Variants in CACNA2D3 observed in about 807,000 individuals in gnomAD.
CACNA2D3 encodes calcium voltage-gated channel auxiliary subunit alpha2delta 3, also known as voltage-dependent calcium channel subunit alpha-2/delta-3.
A neutral mutation model predicts 160.6 loss-of-function variants in CACNA2D3; 60 were observed. That is an observed-to-expected ratio of 0.37 (90% CI 0.30 to 0.46). The LOEUF (loss-of-function observed/expected upper bound fraction) is 0.46, where lower values mean the gene tolerates loss of function less well. Among genes scored for constraint, CACNA2D3 ranks in the 20% least tolerant of loss-of-function variants. CACNA2D3 has a pLI of 1.00. For missense variants in CACNA2D3, 1,205 were observed against 1,365.0 expected (o/e 0.88, Z 1.85); for synonymous variants, 558 against 492.9 (o/e 1.13, Z -1.75).
intron 2 of CACNA2D3, among the ~76,000 whole-genome samples, chr3:54,229,214 C>G (rs998902023): frequency 4.0e-5 from 6 of 149,230 alleles, no homozygotes; most frequent in African/African-American, 1.5e-4. Flanking sequence ...TTTTTTGAGA[C>G]GGAGTCTCGC....
chr3:54,541,112 C>G (rs1231659766), intron 5 of CACNA2D3, among the ~76,000 whole-genome samples: 2 of 151,708 alleles, frequency 1.3e-5, no homozygotes, highest in African/African-American at 2.4e-5. Context: ...CCCATCTCTA[C>G]TAAAAATACA....
chr3:54,182,540 T>C (rs1447767212), intron 2 of CACNA2D3, among the ~76,000 whole-genome samples: 1 of 152,238 alleles, frequency 6.6e-6, no homozygotes, highest in African/African-American at 2.4e-5. Flanking sequence ...CCCATTCCTT[T>C]GAAAAATCCA....
chr3:54,414,289 A>G (rs944473334), intron 4 of CACNA2D3, among the ~76,000 whole-genome samples: 5 of 152,084 alleles, frequency 3.3e-5, no homozygotes, highest in African/African-American at 1.2e-4. Context: ...TAGAATCTTG[A>G]AATGTAAACA....
intron 2 of CACNA2D3, among the ~76,000 whole-genome samples, chr3:54,232,993 T>C (rs754059580): frequency 4.6e-5 from 7 of 152,120 alleles, no homozygotes; most frequent in Non-Finnish European, 7.4e-5. Context: ...GCCAGACAAA[T>C]AGTTATACGC....
At chr3:54,799,081 G>C (rs552830318) in intron 13 of CACNA2D3, among the ~76,000 whole-genome samples, 63 of 152,294 alleles carry the variant, frequency 4.1e-4, no homozygotes, top group African/African-American at 1.2e-3. Context: ...AAGTTTCTAA[G>C]AGTTTGAGCT....
At chr3:54,536,928 C>T (rs1701898480) in intron 5 of CACNA2D3, among the ~76,000 whole-genome samples, 1 of 152,218 alleles carries the variant, frequency 6.6e-6, no homozygotes, top group Non-Finnish European at 1.5e-5. Context: ...GTGGCTGTCT[C>T]CACCTCACCT....
At chr3:55,054,051 T>C (rs1048266521) in intron 35 of CACNA2D3, among the ~76,000 whole-genome samples, 4 of 145,428 alleles carry the variant, frequency 2.8e-5, no homozygotes, top group African/African-American at 5.1e-5. Flanking sequence ...TTATATACTT[T>C]TAAGCTTTTT....
intron 2 of CACNA2D3, among the ~76,000 whole-genome samples, chr3:54,203,681 C>T (rs1186169832): frequency 2.6e-5 from 4 of 152,120 alleles, no homozygotes; most frequent in Non-Finnish European, 5.9e-5. Flanking sequence ...ACTCCCTCGG[C>T]CAAACTCCGT....
At chr3:54,954,993 G>C (rs1047023700) in intron 27 of CACNA2D3, among the ~76,000 whole-genome samples, 2 of 152,194 alleles carry the variant, frequency 1.3e-5, no homozygotes, top group African/African-American at 2.4e-5. Context: ...TATGCTTAGG[G>C]AATATGAGAG....
intron 14 of CACNA2D3, among the ~76,000 whole-genome samples, chr3:54,833,804 T>C (rs1175261600): frequency 6.6e-6 from 1 of 152,080 alleles, no homozygotes; most frequent in African/African-American, 2.4e-5. Context: ...CAAATGGTAT[T>C]TCTGTGTTCC....
chr3:54,127,485 G>A (rs4381980), intron 2 of CACNA2D3, among the ~76,000 whole-genome samples: 59,096 of 151,768 alleles, frequency 0.39, 11,689 homozygotes, highest in East Asian at 0.6. Flanking sequence ...CTGAATAGGT[G>A]TATTCACTTA....
At chr3:54,281,060 T>C (rs558252189) in intron 2 of CACNA2D3, among the ~76,000 whole-genome samples, 184 of 152,330 alleles carry the variant, frequency 1.2e-3, no homozygotes, top group African/African-American at 4.1e-3. Context: ...TTTGTGTTTA[T>C]TGAATGGCAT....
chr3:54,964,637 T>G (rs550799610), intron 27 of CACNA2D3, among the ~76,000 whole-genome samples: 111 of 152,254 alleles, frequency 7.3e-4, no homozygotes, highest in African/African-American at 2.5e-3. Context: ...TCGTGTTTTC[T>G]CTGATAAAGG....
At chr3:54,748,195 T>G (rs1367151028) in intron 11 of CACNA2D3, among the ~76,000 whole-genome samples, 2 of 152,186 alleles carry the variant, frequency 1.3e-5, no homozygotes, top group African/African-American at 4.8e-5. Flanking sequence ...GTCTGTGCAA[T>G]TGCCCCATAT....
At chr3:54,282,122 A>C (rs1458340631) in intron 2 of CACNA2D3, among the ~76,000 whole-genome samples, 1 of 152,232 alleles carries the variant, frequency 6.6e-6, no homozygotes, top group Non-Finnish European at 1.5e-5. Context: ...TGGAAAACAT[A>C]TGACAGAATT....
In CACNA2D3 at chr3:54,473,893, A is replaced by G. The variant is rs199905919; in HGVS notation, c.382-29599A>G. ...GAATGGCGATTATTAAAAAGTCGGG[A>G]AACAACAGATGCTGGAGAGGATATG... On this transcript the variant is annotated intron_variant, in intron 4 of 37. Coordinates refer to ENST00000474759, the MANE Select transcript of CACNA2D3 (RefSeq NM_018398.3). Among the ~76,000 whole-genome samples, 7 of 152,330 alleles carry G rather than the reference A, an allele frequency of 4.6e-5. No homozygotes were observed. In the East Asian group the frequency reaches 1.4e-3, roughly 29 times the overall value.
chr3:54,148,934 G>A (rs1427104797), intron 2 of CACNA2D3, among the ~76,000 whole-genome samples: 1 of 145,704 alleles, frequency 6.9e-6, no homozygotes, highest in Non-Finnish European at 1.5e-5. Flanking sequence ...CTAAGATCGT[G>A]CCATTGTGCT....
At chr3:54,206,810 A>G (rs977563291) in intron 2 of CACNA2D3, among the ~76,000 whole-genome samples, 1 of 152,216 alleles carries the variant, frequency 6.6e-6, no homozygotes, top group Non-Finnish European at 1.5e-5. Flanking sequence ...TGAATTAGTC[A>G]GGGTAACTAA....
intron 16 of CACNA2D3, among the ~76,000 whole-genome samples, chr3:54,842,028 C>T (rs1023972035): frequency 6.6e-6 from 1 of 152,188 alleles, no homozygotes; most frequent in Non-Finnish European, 1.5e-5. Flanking sequence ...CCAAAATTAG[C>T]GATTTCATCA....
Sources: gnomAD v4.1 joint callset for allele counts (sites outside exome capture counted in the v4.1 genomes callset) on GRCh38, gnomAD v4.1.1 for gene constraint, MANE v1.5 for transcripts, NCBI Gene and HGNC (gene_info 2026-07-23, HGNC 2026-07-21) for gene names.